C3orf49: variants seen among roughly 807,000 people sequenced by gnomAD.
The protein encoded by C3orf49 is putative uncharacterized protein C3orf49.
Under a neutral mutation model 13.3 loss-of-function variants are expected in C3orf49, and 27 were observed. The observed-to-expected ratio is 2.02, with a 90% CI of 1.49 to 2.79. The LOEUF is 2.79. Ranked by LOEUF, C3orf49 falls within the 30% of genes most tolerant of loss-of-function variation. The probability of loss-of-function intolerance (pLI) is 0.00; values close to 1 mark genes in which losing one functional copy is unlikely to be tolerated. For missense variants in C3orf49, 242 were observed against 134.2 expected (o/e 1.80, Z -3.97); for synonymous variants, 87 against 47.6 (o/e 1.83, Z -3.40).
At chr3:63,804,138 T>G in the C3orf49 span, among the ~76,000 whole-genome samples, 21 of 152,236 alleles carry the variant, frequency 1.4e-4, no homozygotes, top group African/African-American at 5.1e-4. Context: ...TAAATACAGA[T>G]GAAGCTTCGC....
At chr3:63,830,905 G>A (rs1401696724) in intron 3 of C3orf49, among the ~76,000 whole-genome samples, 2 of 152,100 alleles carry the variant, frequency 1.3e-5, no homozygotes, top group African/African-American at 4.8e-5. Flanking sequence ...GTACCCTATA[G>A]ATCTCTTCAA....
intron 1 of C3orf49, 117 bp from the exon 2 acceptor site, chr3:63,823,133 T>A (rs1298960802): frequency 3.7e-6 from 2 of 538,920 alleles, no homozygotes; most frequent in Non-Finnish European, 6.6e-6. Context: ...TTCAATTTCA[T>A]TTTTTTTTTC....
chr3:63,801,016 C>T, the C3orf49 span, among the ~76,000 whole-genome samples: 1 of 152,074 alleles, frequency 6.6e-6, no homozygotes, highest in South Asian at 2.1e-4. Context: ...GCACCAAGCT[C>T]GCAGTTTTAG....
At chr3:63,806,754 G>C in the C3orf49 span, among the ~76,000 whole-genome samples, 3 of 151,950 alleles carry the variant, frequency 2.0e-5, no homozygotes, top group South Asian at 6.2e-4. Context: ...TTGGCCCTTA[G>C]ACATCACTTT....
intron 5 of C3orf49, among the ~76,000 whole-genome samples, chr3:63,843,773 T>C (rs1439123443): frequency 1.3e-5 from 2 of 152,128 alleles, no homozygotes; most frequent in African/African-American, 2.4e-5. Flanking sequence ...TGGTGGCTGG[T>C]GCCTGTAGTC....
At chr3:63,831,574 T>C (rs1209469134) in intron 4 of C3orf49, 106 bp from the exon 5 acceptor site, 1 of 652,886 alleles carries the variant, frequency 1.5e-6, no homozygotes, top group Non-Finnish European at 2.7e-6. Flanking sequence ...ACTTGCAAAA[T>C]GTCCGCCAGT....
At chr3:63,803,212 T>C in the C3orf49 span, among the ~76,000 whole-genome samples, 1 of 152,208 alleles carries the variant, frequency 6.6e-6, no homozygotes, top group Non-Finnish European at 1.5e-5. Context: ...GGAGGTGGAT[T>C]TAATATCCCC....
At chr3:63,844,910 G>T (rs1178320191) in intron 5 of C3orf49, 113 bp from the exon 6 acceptor site, 6 of 542,170 alleles carry the variant, frequency 1.1e-5, no homozygotes, top group Non-Finnish European at 2.0e-5. Flanking sequence ...CTGGCAGTGT[G>T]GCTGTTGCTA....
At chr3:63,796,963 C>G in the C3orf49 span, among the ~76,000 whole-genome samples, 1 of 151,754 alleles carries the variant, frequency 6.6e-6, no homozygotes, top group Non-Finnish European at 1.5e-5. Context: ...CTGAGAAAGT[C>G]TTTATTTCTC....
At chr3:63,832,705 A>G (rs2107110094) in intron 5 of C3orf49, 1 of 152,310 alleles carries the variant, frequency 6.6e-6, no homozygotes, top group South Asian at 2.1e-4. Context: ...TTCTGAGTCA[A>G]TATAGGCAAA....
the C3orf49 span, among the ~76,000 whole-genome samples, chr3:63,799,247 T>C: frequency 6.6e-6 from 1 of 152,156 alleles, no homozygotes; most frequent in Non-Finnish European, 1.5e-5. Context: ...ATTGTGCTAT[T>C]GGGAGAAGGA....
At chr3:63,815,481 A>G (rs931755145), upstream of C3orf49, among the ~76,000 whole-genome samples, 15 of 152,030 alleles carry the variant, frequency 9.9e-5, no homozygotes, top group African/African-American at 3.4e-4. Context: ...ATGCATAACT[A>G]TGCCTTCCCC....
At chr3:63,839,850 T>C in intron 5 of C3orf49, 2 of 1,211,140 alleles carry the variant, frequency 1.7e-6, no homozygotes, top group Admixed American at 4.0e-5. Context: ...CACTGTTCAT[T>C]TGTTTATTCA....
chr3:63,781,427 G>A, the C3orf49 span, among the ~76,000 whole-genome samples: 1 of 152,144 alleles, frequency 6.6e-6, no homozygotes, highest in African/African-American at 2.4e-5. Flanking sequence ...GTAACGTGAT[G>A]CCTCCAGCTT....
the C3orf49 span, among the ~76,000 whole-genome samples, chr3:63,783,729 AAATTAATTAATTCATTAATT>A: frequency 2.7e-5 from 4 of 148,522 alleles, no homozygotes; most frequent in Non-Finnish European, 4.4e-5. Context: ...AAAAAAAATT[AAATTAATTAATTCATTAATT>A]AATTAATTAA....
chr3:63,832,226 A>C (rs949008562), intron 5 of C3orf49: 1 of 159,756 alleles, frequency 6.3e-6, no homozygotes, highest in Non-Finnish European at 1.4e-5. Flanking sequence ...GTTGTCTTCC[A>C]AGAGATTCTT....
the C3orf49 span, among the ~76,000 whole-genome samples, chr3:63,792,559 A>G: frequency 2.0e-5 from 3 of 152,220 alleles, no homozygotes; most frequent in Admixed American, 1.3e-4. Flanking sequence ...ACGTTAGGGT[A>G]GAAGACCAGG....
chr3:63,810,207 C>T, the C3orf49 span, among the ~76,000 whole-genome samples: 3 of 129,134 alleles, frequency 2.3e-5, no homozygotes, highest in South Asian at 6.7e-4. Context: ...TATAATGTCA[C>T]TATAGCAGAG....
chr3:63,822,023 T>C (rs1223365238), intron 1 of C3orf49, among the ~76,000 whole-genome samples: 1 of 152,102 alleles, frequency 6.6e-6, no homozygotes, highest in Non-Finnish European at 1.5e-5. Flanking sequence ...TCGCCCAGGC[T>C]GGATTGCAGT....
Sources: allele counts gnomAD v4.1 joint callset (sites outside exome capture counted in the v4.1 genomes callset), GRCh38; gene constraint gnomAD v4.1.1; transcripts MANE v1.5; gene names NCBI Gene and HGNC (gene_info 2026-07-23, HGNC 2026-07-21).